SMAP1: variants seen among roughly 807,000 people sequenced by gnomAD.
SMAP1 encodes the protein small ArfGAP 1.
In SMAP1, 24 loss-of-function variants were observed where a neutral mutation model predicts 58.5. The observed-to-expected ratio is 0.41, with a 90% CI of 0.30 to 0.58. The LOEUF is 0.58. Ranked by LOEUF, SMAP1 falls within the 20% of genes least tolerant of loss-of-function variation. The probability of loss-of-function intolerance (pLI) is 0.29; values close to 1 mark genes in which losing one functional copy is unlikely to be tolerated. For synonymous variants in SMAP1, 216 were observed against 196.6 expected, an observed-to-expected ratio of 1.10 and a Z score of -0.82; for missense variants, 563 against 566.3, an observed-to-expected ratio of 0.99 and a Z score of 0.06.
chr6:70,764,383 C>T lies in SMAP1; in HGVS notation c.339-8967C>T, dbSNP rs1285534240. ...TGTTGGAAGAAGATGCCATTGAGGACGTTCATACTGGAGAAGTGAAGTCAA... is the reference window on the plus strand; with the variant it reads ...TGTTGGAAGAAGATGCCATTGAGGATGTTCATACTGGAGAAGTGAAGTCAA... On this transcript the variant is annotated intron_variant, in intron 3 of 10. Transcript: ENST00000370455. Among the ~76,000 whole-genome samples, 4 of 152,286 alleles carry T rather than the reference C, an allele frequency of 2.6e-5. No individual in the cohort carries two copies. In the East Asian group the frequency reaches 5.8e-4, roughly 22 times the overall value.
At chr6:70,848,450 G>T (rs1215056556) in intron 7 of SMAP1, among the ~76,000 whole-genome samples, 1 of 152,164 alleles carries the variant, frequency 6.6e-6, no homozygotes, top group East Asian at 1.9e-4. Context: ...TAAGTGATTT[G>T]TTTATAATTA....
At chr6:70,673,787 C>A (rs1766364547) in intron 1 of SMAP1, among the ~76,000 whole-genome samples, 1 of 152,168 alleles carries the variant, frequency 6.6e-6, no homozygotes, top group Non-Finnish European at 1.5e-5. Flanking sequence ...TGGGCAGAGC[C>A]CTGGTATCAG....
chr6:70,765,872 T>G (rs761113269), intron 3 of SMAP1, among the ~76,000 whole-genome samples: 1 of 151,700 alleles, frequency 6.6e-6, no homozygotes, highest in Non-Finnish European at 1.5e-5. Context: ...ATTAGGTATA[T>G]CTCCTAAAGC....
chr6:70,837,735 C>A, intron 7 of SMAP1: 2 of 1,112,252 alleles, frequency 1.8e-6, no homozygotes, highest in East Asian at 8.4e-5. Flanking sequence ...TTTAGTAATA[C>A]CTGAGCCTTG....
intron 6 of SMAP1, among the ~76,000 whole-genome samples, chr6:70,802,948 G>A (rs557340237): frequency 6.6e-6 from 1 of 152,306 alleles, no homozygotes; most frequent in African/African-American, 2.4e-5. Flanking sequence ...GTTCATCAGG[G>A]ATATTGGTCT....
chr6:70,805,101 A>G (rs1769059922), intron 6 of SMAP1, among the ~76,000 whole-genome samples: 2 of 151,902 alleles, frequency 1.3e-5, no homozygotes, highest in African/African-American at 2.4e-5. Context: ...GTGTTTTCCA[A>G]CTTGGTTTCA....
chr6:70,682,057 G>C (rs1476189574), intron 1 of SMAP1, among the ~76,000 whole-genome samples: 2 of 151,780 alleles, frequency 1.3e-5, no homozygotes, highest in Non-Finnish European at 2.9e-5. Context: ...GGATCAATTT[G>C]TGAGAGAGTA....
At position 70,715,403 on chromosome 6, in the gene SMAP1, C is replaced by T. The variant is rs553410993; in HGVS notation, c.119-16975C>T. Among the ~76,000 whole-genome samples, 48 of 152,302 alleles carry T rather than the reference C, an allele frequency of 3.2e-4. 1 individual carries two copies. The South Asian group carries it at 9.9e-3, about 32-fold the overall frequency. ...CACTGCACCTAGCCTGTGTGGGTTT[C>T]TTTGGATTAATCCTATTTGGTATCA... is the stretch of plus-strand genomic sequence containing the variant. On this transcript the variant is annotated intron_variant, in intron 1 of 10. Coordinates refer to ENST00000370455, the MANE Select transcript of SMAP1 (RefSeq NM_001044305.3).
chr6:70,761,611 C>T (rs1474719219), intron 3 of SMAP1, among the ~76,000 whole-genome samples: 1 of 152,004 alleles, frequency 6.6e-6, no homozygotes, highest in Non-Finnish European at 1.5e-5. Flanking sequence ...TACAGTAATT[C>T]TGTTTCCTCT....
At chr6:70,668,759 T>C in intron 1 of SMAP1, 1 of 1,529,756 alleles carries the variant, frequency 6.5e-7, no homozygotes, top group East Asian at 2.4e-5. Flanking sequence ...GAGAAAGGTC[T>C]TTATTAGTAG....
At chr6:70,726,470 T>G (rs1390924878) in intron 1 of SMAP1, among the ~76,000 whole-genome samples, 6 of 152,206 alleles carry the variant, frequency 3.9e-5, no homozygotes, top group Non-Finnish European at 8.8e-5. Context: ...AAAGTGCTCT[T>G]GGGGCATTGG....
intron 1 of SMAP1, among the ~76,000 whole-genome samples, chr6:70,730,869 G>A (rs1379783185): frequency 2.0e-5 from 3 of 152,182 alleles, no homozygotes; most frequent in Non-Finnish European, 2.9e-5. Flanking sequence ...GCGGGATCTC[G>A]ACTCACTGCA....
At chr6:70,729,459 T>TTGTGTGTCTGTG (rs1554194437) in intron 1 of SMAP1, among the ~76,000 whole-genome samples, 3 of 128,164 alleles carry the variant, frequency 2.3e-5, no homozygotes, top group Non-Finnish European at 4.8e-5. Context: ...AAAAAGAAGG[T>TTGTGTGTCTGTG]TGTGTGTGTG....
chr6:70,709,430 C>T (rs943575017), intron 1 of SMAP1, among the ~76,000 whole-genome samples: 1 of 152,066 alleles, frequency 6.6e-6, no homozygotes, highest in African/African-American at 2.4e-5. Flanking sequence ...CCTTGACTTC[C>T]TTGCTCAAGT....
chr6:70,723,416 T>A (rs1768618824), intron 1 of SMAP1, among the ~76,000 whole-genome samples: 1 of 152,214 alleles, frequency 6.6e-6, no homozygotes, highest in Non-Finnish European at 1.5e-5. Context: ...TTACCTTAAT[T>A]GTGCTTATTG....
intron 8 of SMAP1, among the ~76,000 whole-genome samples, chr6:70,856,351 A>G (rs919300573): frequency 1.3e-5 from 2 of 152,346 alleles, no homozygotes; most frequent in South Asian, 4.1e-4. Context: ...TTCTGGATAG[A>G]TTAGAAGCAG....
chr6:70,684,385 T>G (rs888791502), intron 1 of SMAP1, among the ~76,000 whole-genome samples: 2 of 152,168 alleles, frequency 1.3e-5, no homozygotes, highest in African/African-American at 4.8e-5. Flanking sequence ...TTTTGAAATT[T>G]TAAGCTGATT....
chr6:70,753,955 C>T (rs1454848207), intron 2 of SMAP1, among the ~76,000 whole-genome samples: 2 of 152,038 alleles, frequency 1.3e-5, no homozygotes, highest in African/African-American at 2.4e-5. Context: ...TTAAAACTCT[C>T]AGTTGGGAGA....
At chr6:70,798,866 A>G (rs185684172) in intron 6 of SMAP1, 129 bp downstream of exon 6, 1 of 722,666 alleles carries the variant, frequency 1.4e-6, no homozygotes, top group Non-Finnish European at 2.2e-6. Context: ...TGTTGAGTGA[A>G]TGCTGTGTGC....
Sources: gnomAD v4.1 joint callset for allele counts (sites outside exome capture counted in the v4.1 genomes callset) on GRCh38, gnomAD v4.1.1 for gene constraint, MANE v1.5 for transcripts, NCBI Gene and HGNC (gene_info 2026-07-23, HGNC 2026-07-21) for gene names.